Variants in RBFOX3 observed in about 807,000 individuals in gnomAD.
RBFOX3 encodes the protein RNA binding protein fox-1 homolog 3.
A neutral mutation model predicts 48.7 loss-of-function variants in RBFOX3; 17 were observed. That is an observed-to-expected ratio of 0.35 (90% CI 0.24 to 0.52). RBFOX3 has a LOEUF of 0.52. Among genes scored for constraint, RBFOX3 ranks in the 20% least tolerant of loss-of-function variants. The pLI is 0.94. For synonymous variants in RBFOX3, 212 were observed against 209.5 expected (o/e 1.01, Z -0.10); for missense variants, 382 against 497.5 (o/e 0.77, Z 2.21).
chr17:79,491,417 C>T (rs1328118856), intron 1 of RBFOX3, among the ~76,000 whole-genome samples: 18 of 152,056 alleles, frequency 1.2e-4, no homozygotes, highest in African/African-American at 4.3e-4. Context: ...CGGAAGCACG[C>T]TCTGGTGCCG....
At chr17:79,623,542 G>A in the RBFOX3 span, among the ~76,000 whole-genome samples, 1 of 152,186 alleles carries the variant, frequency 6.6e-6, no homozygotes, top group Non-Finnish European at 1.5e-5. Context: ...ACTGGGCGCA[G>A]TGGCTCAGAC....
intron 1 of RBFOX3, among the ~76,000 whole-genome samples, chr17:79,496,174 G>T (rs1413636062): frequency 1.3e-5 from 2 of 152,056 alleles, no homozygotes; most frequent in Non-Finnish European, 2.9e-5. Context: ...TGACCTGAGG[G>T]CTTCCGGGAG....
chr17:79,322,615 G>A (rs1298067949), intron 2 of RBFOX3, among the ~76,000 whole-genome samples: 1 of 152,212 alleles, frequency 6.6e-6, no homozygotes, highest in Non-Finnish European at 1.5e-5. Context: ...ACCCCGAAGG[G>A]AGGGGGTACA....
chr17:79,547,100 A>G (rs2090547709), intron 1 of RBFOX3, among the ~76,000 whole-genome samples: 1 of 152,152 alleles, frequency 6.6e-6, no homozygotes, highest in African/African-American at 2.4e-5. Flanking sequence ...CAGGTGAACA[A>G]TTACCTTGGG....
chr17:79,209,776 G>A (rs537420573), intron 4 of RBFOX3, among the ~76,000 whole-genome samples: 55 of 152,198 alleles, frequency 3.6e-4, no homozygotes, highest in Admixed American at 8.5e-4. Context: ...GGTGGATCAC[G>A]AGGTCAGGGG....
chr17:79,228,608 T>A (rs2060613869), intron 4 of RBFOX3, among the ~76,000 whole-genome samples: 1 of 152,206 alleles, frequency 6.6e-6, no homozygotes, highest in South Asian at 2.1e-4. Flanking sequence ...TCAGGTTCCG[T>A]GATGCAGAAC....
At chr17:79,444,797 T>C (rs1275017656) in intron 2 of RBFOX3, among the ~76,000 whole-genome samples, 1 of 152,002 alleles carries the variant, frequency 6.6e-6, no homozygotes, top group African/African-American at 2.4e-5. Context: ...ATATATATAG[T>C]CAGTTATATA....
At chr17:79,553,529 A>G (rs1416515816) in intron 1 of RBFOX3, among the ~76,000 whole-genome samples, 1 of 152,222 alleles carries the variant, frequency 6.6e-6, no homozygotes, top group East Asian at 1.9e-4. Flanking sequence ...GAACACTTTA[A>G]TTAGCATTGG....
chr17:79,468,029 C>T (rs2076545290), intron 2 of RBFOX3, among the ~76,000 whole-genome samples: 1 of 152,126 alleles, frequency 6.6e-6, no homozygotes, highest in Non-Finnish European at 1.5e-5. Flanking sequence ...TCACTTCCCA[C>T]TTTGCAGCTT....
At chr17:79,110,130 C>CAAAA (rs34151285) in intron 5 of RBFOX3, among the ~76,000 whole-genome samples, 1 of 132,352 alleles carries the variant, frequency 7.6e-6, no homozygotes, top group Non-Finnish European at 1.6e-5. Context: ...TTCCCCCACT[C>CAAAA]AAAAAAAAAA....
the RBFOX3 span, among the ~76,000 whole-genome samples, chr17:79,634,204 G>A: frequency 6.6e-6 from 1 of 152,216 alleles, no homozygotes; most frequent in African/African-American, 2.4e-5. Context: ...CTGTACTGGT[G>A]AAGGAGACAG....
At chr17:79,582,725 G>A (rs1020037856) in intron 1 of RBFOX3, among the ~76,000 whole-genome samples, 202 of 139,798 alleles carry the variant, frequency 1.4e-3, no homozygotes, top group African/African-American at 5.1e-3. Context: ...TGAGGCTACA[G>A]TGAGCCATGA....
intron 4 of RBFOX3, among the ~76,000 whole-genome samples, chr17:79,145,566 G>T (rs961505634): frequency 6.6e-6 from 1 of 152,202 alleles, no homozygotes; most frequent in African/African-American, 2.4e-5. Context: ...CTGAGAGGGG[G>T]CCCCGCCCCA....
chr17:79,180,166 A>G (rs934403928), intron 4 of RBFOX3, among the ~76,000 whole-genome samples: 1 of 152,178 alleles, frequency 6.6e-6, no homozygotes, highest in South Asian at 2.1e-4. Context: ...AGGGACCAAC[A>G]ACAAGTGCCT....
intron 3 of RBFOX3, among the ~76,000 whole-genome samples, chr17:79,258,206 TA>T (rs527532894): frequency 1.6e-3 from 243 of 152,304 alleles, no homozygotes; most frequent in African/African-American, 5.3e-3. Context: ...ATAGCTCAGC[TA>T]AACCAATCCA....
At chr17:79,470,706 A>C (rs1304686991) in intron 2 of RBFOX3, among the ~76,000 whole-genome samples, 2 of 152,184 alleles carry the variant, frequency 1.3e-5, no homozygotes, top group African/African-American at 4.8e-5. Flanking sequence ...TGGGGGAACT[A>C]TTACTGTCAG....
At chr17:79,276,556 G>A (rs978114403) in intron 3 of RBFOX3, among the ~76,000 whole-genome samples, 9 of 152,048 alleles carry the variant, frequency 5.9e-5, no homozygotes, top group Admixed American at 4.6e-4. Context: ...CTGGTGGTGG[G>A]CGCCTGTAAT....
rs1412800689 is a variant in RBFOX3, at chr17:79,138,729, G to T, written c.-33-22981C>A. 3.2e-4 allele frequency among the ~76,000 whole-genome samples: 11 copies of T among 34,448 alleles called. No homozygotes were observed. In the East Asian group the frequency reaches 0.011, roughly 33 times the overall value. The allele number at this position is 34,448 out of a possible 152,430, so 22.6% of individuals were successfully genotyped here. ...CGTTCACACCCCCTCACCCACACAC[G>T]CATGCACACAGCACGTGTTCACACC... On this transcript the variant is annotated intron_variant, in intron 4 of 14. Transcript: ENST00000693108.
the RBFOX3 span, among the ~76,000 whole-genome samples, chr17:79,620,354 G>A: frequency 1.7e-5 from 2 of 118,770 alleles, no homozygotes; most frequent in South Asian, 5.5e-4. Context: ...CACACACACG[G>A]ACATGGACAC....
Sources: allele counts gnomAD v4.1 joint callset (sites outside exome capture counted in the v4.1 genomes callset), GRCh38; gene constraint gnomAD v4.1.1; transcripts MANE v1.5; gene names NCBI Gene and HGNC (gene_info 2026-07-23, HGNC 2026-07-21).